SLCO2B1: variants seen among roughly 807,000 people sequenced by gnomAD.
The protein encoded by SLCO2B1 is OATP-RP2.
Under a neutral mutation model 67.3 loss-of-function variants are expected in SLCO2B1, and 41 were observed. The observed-to-expected ratio is 0.61, with a 90% CI of 0.47 to 0.79. The LOEUF (loss-of-function observed/expected upper bound fraction) is 0.79. Among genes scored for constraint, SLCO2B1 ranks in the 30% least tolerant of loss-of-function variants. The pLI is 0.00. For missense variants in SLCO2B1, 837 were observed against 920.1 expected, an observed-to-expected ratio of 0.91 and a Z score of 1.17; for synonymous variants, 379 against 381.4, an observed-to-expected ratio of 0.99 and a Z score of 0.07.
intron 8 of SLCO2B1, among the ~76,000 whole-genome samples, chr11:75,191,792 T>C (rs1051938612): frequency 6.6e-6 from 1 of 152,210 alleles, no homozygotes. Flanking sequence ...AAACACAGGT[T>C]AGTGGAGAGA....
chr11:75,182,525 C>T (rs1232878631), intron 7 of SLCO2B1, among the ~76,000 whole-genome samples: 1 of 152,144 alleles, frequency 6.6e-6, no homozygotes, highest in East Asian at 1.9e-4. Context: ...GCCAGATCAC[C>T]CGAGGTCAGG....
intron 9 of SLCO2B1, among the ~76,000 whole-genome samples, chr11:75,195,900 C>T (rs1006997856): frequency 8.5e-5 from 13 of 152,174 alleles, no homozygotes; most frequent in Non-Finnish European, 2.9e-5. Flanking sequence ...ACATCCTGCC[C>T]CTGCCCACCT....
intron 1 of SLCO2B1, among the ~76,000 whole-genome samples, chr11:75,161,438 C>T (rs997795860): frequency 6.6e-6 from 1 of 152,166 alleles, no homozygotes; most frequent in Non-Finnish European, 1.5e-5. Flanking sequence ...GATTTTATGG[C>T]TATGAATTAC....
At chr11:75,169,970 G>A (rs1018886374) in intron 6 of SLCO2B1, 6 of 557,046 alleles carry the variant, frequency 1.1e-5, no homozygotes, top group African/African-American at 3.8e-5. Context: ...AGAGTCCAGC[G>A]AGATGGTGGA....
At chr11:75,164,192 G>A (rs1949859353) in intron 3 of SLCO2B1, 92 bp downstream of exon 3, 1 of 1,396,292 alleles carries the variant, frequency 7.2e-7, no homozygotes, top group Non-Finnish European at 9.6e-7. Flanking sequence ...CTACCTTAAG[G>A]CCTTCCCCTC....
rs1446792793 is a variant in SLCO2B1, at chr11:75,193,561, C to A, written c.1419C>A (p.Ile473=). ...GCTCCAGCCACCAGATTGCGGGCATCACACACCAGACCAGGTGAGTGTGTG... is the reference window on the plus strand; with the variant it reads ...GCTCCAGCCACCAGATTGCGGGCATAACACACCAGACCAGGTGAGTGTGTG... The part of the protein sequence containing the change: ...IGCSSHQIAG[I]THQTSAHPGL... Residue 473 remains isoleucine, a synonymous_variant, in exon 9 of 14, where the codon ATC becomes ATA. Transcript: ENST00000289575. The surrounding 1 kb of genome is among the most constrained non-coding windows in gnomAD (Gnocchi z 4.2). 2.6e-6 allele frequency: 4 copies of A among 1,558,948 alleles called. No individual in the cohort carries two copies. Among genetic ancestry groups the A allele is most frequent in the Non-Finnish European group, 3.5e-6 (4 of 1,151,752 alleles).
chr11:75,192,222 T>C lies in SLCO2B1; in HGVS notation c.1076-996T>C, dbSNP rs112918394. Among the ~76,000 whole-genome samples the C allele has an allele frequency of 1.4e-3, 209 of 152,340 alleles. 1 individual carries two copies. Among genetic ancestry groups the C allele is most frequent in the African/African-American group, 4.8e-3 (198 of 41,572 alleles). ...GATTCTGCCCCAGACATATTGACAT[T>C]TGATCACATATTAGTCCATATATCC... On this transcript the variant is annotated intron_variant, in intron 8 of 13. Transcript: ENST00000289575.
intron 11 of SLCO2B1, 49 bp from the exon 12 acceptor site, chr11:75,202,852 G>A: frequency 1.3e-6 from 2 of 1,542,884 alleles, no homozygotes; most frequent in Non-Finnish European, 1.8e-6. Context: ...ATGGCCCTTG[G>A]GGGCTGGAAC....
intron 7 of SLCO2B1, among the ~76,000 whole-genome samples, chr11:75,175,381 C>G (rs1481373432): frequency 6.6e-6 from 1 of 152,090 alleles, no homozygotes; most frequent in Non-Finnish European, 1.5e-5. Context: ...CCAGAAAGTC[C>G]AGGCCCCCAG....
chr11:75,163,929 G>A (rs374622956), intron 2 of SLCO2B1, 34 bp from the exon 3 acceptor site: 10 of 1,574,068 alleles, frequency 6.4e-6, no homozygotes, highest in African/African-American at 4.1e-5. Flanking sequence ...CCCCTGCACC[G>A]CCCACCTCTG....
At chr11:75,194,980 G>A (rs1033312988) in intron 9 of SLCO2B1, among the ~76,000 whole-genome samples, 8 of 152,142 alleles carry the variant, frequency 5.3e-5, no homozygotes, top group Non-Finnish European at 7.4e-5. Context: ...CTGCACAACC[G>A]CAGGTACTAA....
Position 75,193,093 on chromosome 11 carries a change from G to C in SLCO2B1, c.1076-125G>C, listed in dbSNP as rs543140737. On this transcript the variant is annotated intron_variant, in intron 8 of 13. Coordinates refer to ENST00000289575, the MANE Select transcript of SLCO2B1 (RefSeq NM_007256.5). The surrounding 1 kb of genome is among the most constrained non-coding windows in gnomAD (Gnocchi z 4.2). ...AAGTGGGATAAAATTGATTGCAATA[G>C]AATTAAGTGGAATGGGGCGGGTTAG... 7.3e-5 allele frequency: 50 copies of C among 687,144 alleles called. No individual in the cohort carries two copies. In the South Asian group the frequency reaches 9.7e-4, roughly 13 times the overall value. The allele number at this position is 687,144 out of a possible 1,614,324, so 42.6% of individuals were successfully genotyped here. A position where few individuals can be genotyped will look rare whatever the true frequency, so the allele number is the denominator to read the frequency against.
intron 7 of SLCO2B1, among the ~76,000 whole-genome samples, chr11:75,182,019 A>G (rs575107654): frequency 2.6e-5 from 4 of 152,178 alleles, no homozygotes; most frequent in Non-Finnish European, 2.9e-5. Flanking sequence ...AAACCACCCG[A>G]GTCTGGCTGT....
Position 75,204,721 on chromosome 11 carries a change from A to G in SLCO2B1, c.*141A>G. On this transcript the variant is annotated 3_prime_UTR_variant, in exon 14 of 14. Transcript: ENST00000289575. The stretch of plus-strand genomic sequence containing the variant: ...ATTGCTGTGTGACTTCAGGCAAGAC[A>G]TTGATCCTCTCTCAGCCTTTGCTTG... 1 of 670,634 alleles carries G rather than the reference A, an allele frequency of 1.5e-6. No homozygotes were observed. Among genetic ancestry groups the G allele is most frequent in the Non-Finnish European group, 2.4e-6 (1 of 422,850 alleles). 41.5% of individuals were successfully genotyped at this position (670,634 alleles called of 1,614,324 possible).
At position 75,165,835 on chromosome 11, in the gene SLCO2B1, G is replaced by A; in HGVS notation, c.334G>A (p.Val112Met). The A allele has an allele frequency of 6.2e-7, 1 of 1,614,180 alleles. No individual in the cohort carries two copies. The change falls in exon 4 of 14, where the codon GTG becomes ATG. Residue 112 changes from valine to methionine, a missense_variant. Val to Met is a conservative substitution (Grantham distance 21). Coordinates refer to ENST00000289575, the MANE Select transcript of SLCO2B1 (RefSeq NM_007256.5). The part of the protein sequence containing the change: ...IVFVSYFGSR[V>M]HRPRMIGYGA... Reference sequence around the variant, plus strand: ...GTTTGTGAGCTATTTTGGCAGCCGGGTGCACCGACCCCGAATGATTGGCTA... The same window carrying A: ...GTTTGTGAGCTATTTTGGCAGCCGGATGCACCGACCCCGAATGATTGGCTA...
At chr11:75,197,371 T>C (rs541501869) in intron 10 of SLCO2B1, among the ~76,000 whole-genome samples, 1 of 152,338 alleles carries the variant, frequency 6.6e-6, no homozygotes, top group East Asian at 1.9e-4. Context: ...CAAGAATGAA[T>C]GGGTAAACTA....
At chr11:75,174,686 T>C (rs1024400988) in intron 7 of SLCO2B1, among the ~76,000 whole-genome samples, 2 of 152,190 alleles carry the variant, frequency 1.3e-5, no homozygotes, top group South Asian at 2.1e-4. Context: ...TTCGAGAAGA[T>C]GAAATTCCTA....
At chr11:75,184,357 A>T (rs960766244) in intron 7 of SLCO2B1, among the ~76,000 whole-genome samples, 44 of 152,234 alleles carry the variant, frequency 2.9e-4, no homozygotes, top group Non-Finnish European at 1.3e-4. Context: ...TTTGCCTCAG[A>T]CCTAAAGCAT....
At chr11:75,153,925 T>G (rs920844849) in intron 1 of SLCO2B1, among the ~76,000 whole-genome samples, 7 of 70,374 alleles carry the variant, frequency 9.9e-5, no homozygotes, top group Admixed American at 4.1e-4. Context: ...TGTACAGTAC[T>G]TTTTTTTTTT....
Sources: gnomAD v4.1 joint callset for allele counts (sites outside exome capture counted in the v4.1 genomes callset) on GRCh38, gnomAD v4.1.1 for gene constraint, Gnocchi (gnomAD v3.1) non-coding constraint, MANE v1.5 for transcripts, NCBI Gene and HGNC (gene_info 2026-07-23, HGNC 2026-07-21) for gene names.